The following LRRC37A2 variants were observed in gnomAD, a reference collection of about 807,000 sequenced individuals.
LRRC37A2 encodes leucine rich repeat containing 37 member A2.
In LRRC37A2, 9 loss-of-function variants were observed where a neutral mutation model predicts 68.8. The ratio of observed to expected loss-of-function variants is 0.13; its 90% CI spans 0.08 to 0.23. The LOEUF is 0.23. Ranked by LOEUF, LRRC37A2 falls within the 10% of genes least tolerant of loss-of-function variation. The pLI is 1.00. For synonymous variants in LRRC37A2, 63 were observed against 367.6 expected (o/e 0.17, Z 9.48); for missense variants, 168 against 950.4 (o/e 0.18, Z 10.82).
At chr17:46,896,452 AAAAGAAAGAAAGAAAGAAAGAAAGAC>A in the LRRC37A2 span, among the ~76,000 whole-genome samples, 438 of 65,880 alleles carry the variant, frequency 6.6e-3, 12 homozygotes, top group African/African-American at 0.018. Context: ...GAAAGAAAGA[AAAAGAAAGAAAGAAAGAAAGAAAGAC>A]AGACCAAGGC....
At chr17:46,737,908 A>ATATTATTATTAT in the LRRC37A2 span, among the ~76,000 whole-genome samples, 2 of 145,870 alleles carry the variant, frequency 1.4e-5, no homozygotes, top group African/African-American at 5.1e-5. Flanking sequence ...TAAAATTAGC[A>ATATTATTATTAT]TATTATTATT....
the LRRC37A2 span, chr17:46,722,269 A>G: frequency 3.1e-6 from 3 of 957,056 alleles, no homozygotes; most frequent in Non-Finnish European, 5.0e-6. Flanking sequence ...TTTTGGGGGG[A>G]GTCTGTAAGA....
the LRRC37A2 span, among the ~76,000 whole-genome samples, chr17:46,963,338 A>G: frequency 6.6e-6 from 1 of 152,198 alleles, no homozygotes; most frequent in Admixed American, 6.5e-5. Context: ...TGAGGTCAAG[A>G]GTTTGAGACC....
the LRRC37A2 span, among the ~76,000 whole-genome samples, chr17:46,961,641 T>TA: frequency 6.6e-6 from 1 of 151,728 alleles, no homozygotes; most frequent in African/African-American, 2.4e-5. Context: ...AAAGATGAAA[T>TA]ACGTCTGTAA....
chr17:46,850,199 A>T, the LRRC37A2 span, among the ~76,000 whole-genome samples: 251 of 152,334 alleles, frequency 1.6e-3, no homozygotes, highest in African/African-American at 5.6e-3. Flanking sequence ...ATTTCTCATC[A>T]TCCATATTTC....
the LRRC37A2 span, chr17:46,713,814 T>C: frequency 1.3e-6 from 2 of 1,595,016 alleles, no homozygotes; most frequent in South Asian, 1.2e-5. Flanking sequence ...TTTGCTTAGG[T>C]TGGCTTTTTT....
At chr17:46,932,000 G>T in the LRRC37A2 span, 1 of 1,447,320 alleles carries the variant, frequency 6.9e-7, no homozygotes, top group Non-Finnish European at 9.7e-7. Flanking sequence ...TCAGTACAAA[G>T]CCTGGCCCCC....
chr17:46,814,765 C>G, the LRRC37A2 span, among the ~76,000 whole-genome samples: 1 of 152,220 alleles, frequency 6.6e-6, no homozygotes, highest in South Asian at 2.1e-4. Flanking sequence ...CTGACCCCCA[C>G]GGGGTTTGAC....
the LRRC37A2 span, among the ~76,000 whole-genome samples, chr17:46,631,082 A>ACACACACACACACACACACACATG: frequency 7.0e-6 from 1 of 142,080 alleles, no homozygotes; most frequent in East Asian, 2.2e-4. Context: ...ACACACACAC[A>ACACACACACACACACACACACATG]CACACACACA....
At chr17:46,796,963 C>A in the LRRC37A2 span, among the ~76,000 whole-genome samples, 1 of 152,290 alleles carries the variant, frequency 6.6e-6, no homozygotes, top group Admixed American at 6.5e-5. Context: ...CAAAACCAAA[C>A]TGACTGAAAT....
chr17:46,849,861 G>T, the LRRC37A2 span, among the ~76,000 whole-genome samples: 66,714 of 146,552 alleles, frequency 0.46, 19,100 homozygotes, highest in East Asian at 0.88. Context: ...TTTTTTTTTT[G>T]TTTTGAGATG....
chr17:46,922,749 C>G, the LRRC37A2 span: 1 of 166,758 alleles, frequency 6.0e-6, no homozygotes, highest in African/African-American at 2.4e-5. Context: ...CCAGGAAAAA[C>G]AGTGAAGAGC....
the LRRC37A2 span, among the ~76,000 whole-genome samples, chr17:47,029,018 A>G: frequency 1.3e-5 from 2 of 152,040 alleles, no homozygotes; most frequent in Non-Finnish European, 2.9e-5. Context: ...ATCTCTACTA[A>G]AAATACAAAA....
chr17:46,456,255 TATATG>T, the LRRC37A2 span, among the ~76,000 whole-genome samples: 1 of 109,394 alleles, frequency 9.1e-6, no homozygotes. Flanking sequence ...TGTATACACA[TATATG>T]ATATATAATA....
chr17:46,896,368 A>G, the LRRC37A2 span, among the ~76,000 whole-genome samples: 1 of 149,408 alleles, frequency 6.7e-6, no homozygotes, highest in East Asian at 2.0e-4. Flanking sequence ...AGAAAGAAAG[A>G]GAGAGAGAGA....
the LRRC37A2 span, among the ~76,000 whole-genome samples, chr17:46,805,760 C>T: frequency 6.6e-6 from 1 of 152,036 alleles, no homozygotes; most frequent in Admixed American, 6.6e-5. Flanking sequence ...CAAACCAAAC[C>T]AAACTGAAAC....
At chr17:46,958,478 A>G in the LRRC37A2 span, among the ~76,000 whole-genome samples, 1 of 152,176 alleles carries the variant, frequency 6.6e-6, no homozygotes, top group East Asian at 1.9e-4. Flanking sequence ...GCAGGAAGCA[A>G]GGTGTCTCAC....
the LRRC37A2 span, among the ~76,000 whole-genome samples, chr17:46,816,455 G>T: frequency 7.3e-6 from 1 of 137,456 alleles, no homozygotes; most frequent in Admixed American, 7.6e-5. Flanking sequence ...ACCTCTTAGG[G>T]TCATAGACCC....
At chr17:46,961,854 T>C in the LRRC37A2 span, among the ~76,000 whole-genome samples, 5 of 152,222 alleles carry the variant, frequency 3.3e-5, no homozygotes, top group African/African-American at 1.2e-4. Context: ...GTCTGAAGCC[T>C]GTGAGATGAC....
Sources: allele counts gnomAD v4.1 joint callset (sites outside exome capture counted in the v4.1 genomes callset), GRCh38; gene constraint gnomAD v4.1.1; transcripts MANE v1.5; gene names NCBI Gene and HGNC (gene_info 2026-07-23, HGNC 2026-07-21).